Variants in IL13 observed in about 807,000 individuals in gnomAD.
The protein encoded by IL13 is interleukin 13, also known as interleukin-13.
A neutral mutation model predicts 11.1 loss-of-function variants in IL13; 9 were observed. The observed-to-expected ratio is 0.81, with a 90% confidence interval of 0.49 to 1.42. The LOEUF (loss-of-function observed/expected upper bound fraction) is 1.42. IL13 is among the 40% of genes most tolerant of loss of function. IL13 has a pLI of 0.00. For missense variants in IL13, 181 were observed against 182.5 expected (o/e 0.99, Z 0.05); for synonymous variants, 75 against 76.9 (o/e 0.97, Z 0.13).
In IL13 at chr5:132,660,281, G is replaced by C; in HGVS notation, c.440G>C (p.Ter147SerextTer13). 6.2e-7 allele frequency: 1 copy of C among 1,613,612 alleles called. No homozygotes were observed. The highest frequency in any genetic ancestry group is 8.5e-7 in the Non-Finnish European group (1 of 1,179,926). ...KKLFREGQFN* is the reference protein window; with the variant it reads ...KKLFREGQFNS ...CTTTTTCGCGAGGGACAGTTCAACTGAAACTTCGAAAGCATCATTATTTGC... is the reference window on the plus strand; with the variant it reads ...CTTTTTCGCGAGGGACAGTTCAACTCAAACTTCGAAAGCATCATTATTTGC... Residue 147 changes from the stop codon to serine (S), a stop_lost, in exon 4 of 4, where the codon TGA (stop) becomes TCA (serine). Transcript: ENST00000304506.
rs1276666401 is a variant in IL13, at chr5:132,659,317, G to A, written c.175-101G>A. 2.5e-6 allele frequency: 2 copies of A among 812,788 alleles called. No individual in the cohort carries two copies. Among genetic ancestry groups the A allele is most frequent in the Non-Finnish European group, 4.2e-6 (2 of 474,228 alleles). 50.3% of individuals were successfully genotyped at this position (812,788 alleles called of 1,614,324 possible). On this transcript the variant is annotated intron_variant, in intron 1 of 3. Coordinates refer to ENST00000304506, the MANE Select transcript of IL13 (RefSeq NM_002188.3). The surrounding 1 kb of genome is among the most constrained non-coding windows in gnomAD (Gnocchi z 4.1). ...AGGCCTGCCTCTGTGCCACACCAGGGATGCTTGTGGGGCCTGTGCTGGGGC... is the reference window on the plus strand; with the variant it reads ...AGGCCTGCCTCTGTGCCACACCAGGAATGCTTGTGGGGCCTGTGCTGGGGC...
In IL13 at chr5:132,659,466, G is replaced by A. The variant is rs751745832; in HGVS notation, c.223G>A (p.Gly75Ser). Residue 75 changes from glycine (G) to serine (S), a missense_variant, in exon 2 of 4, where the codon GGC (glycine) becomes AGC (serine). Gly to Ser is a moderately conservative substitution (Grantham distance 56, BLOSUM62 0). Transcript: ENST00000304506. The surrounding 1 kb of genome is among the most constrained non-coding windows in gnomAD (Gnocchi z 4.1). ...GGTATGGAGCATCAACCTGACAGCTGGCATGGTAAGGACCTTTGGGTGCAG... is the reference window on the plus strand; with the variant it reads ...GGTATGGAGCATCAACCTGACAGCTAGCATGGTAAGGACCTTTGGGTGCAG... ...SMVWSINLTAGMYCAALESLI... is the reference protein window; with the variant it reads ...SMVWSINLTASMYCAALESLI... The A allele has an allele frequency of 6.2e-7, 1 of 1,611,354 alleles. No individual in the cohort carries two copies. Among genetic ancestry groups the A allele is most frequent in the Non-Finnish European group, 8.5e-7 (1 of 1,178,262 alleles).
At position 132,659,101 on chromosome 5, in the gene IL13, G is replaced by A. The variant is rs796813141; in HGVS notation, c.175-317G>A. ...GGCCCAGGCCACTCCTACTTCACTC[G>A]TCCCCACCCTGGCCCTTCCCGCAGG... On this transcript the variant is annotated intron_variant, in intron 1 of 3. Transcript: ENST00000304506. The surrounding 1 kb of genome is among the most constrained non-coding windows in gnomAD (Gnocchi z 4.1). 2.9e-4 allele frequency: 104 copies of A among 360,402 alleles called. 5 individuals carry two copies. Among genetic ancestry groups the A allele is most frequent in the Non-Finnish European group, 8.5e-5 (16 of 187,804 alleles). 22.3% of individuals were successfully genotyped at this position (360,402 alleles called of 1,614,324 possible). A position where few individuals can be genotyped will look rare whatever the true frequency, so the allele number is the denominator to read the frequency against.
At chr5:132,658,615 C>T in intron 1 of IL13, 2 of 420,654 alleles carry the variant, frequency 4.8e-6, no homozygotes, top group Non-Finnish European at 4.2e-6. Context: ...TTGTCTGCCA[C>T]TGCCAGCTCC....
intron 1 of IL13, chr5:132,658,603 C>G (rs935066876): frequency 1.6e-5 from 7 of 432,352 alleles, no homozygotes; most frequent in Non-Finnish European, 2.9e-5. Flanking sequence ...CCTGGCCTGG[C>G]CTTGTCTGCC....
upstream of IL13, among the ~76,000 whole-genome samples, chr5:132,657,969 G>C (rs886328750): frequency 6.6e-6 from 1 of 152,206 alleles, no homozygotes; most frequent in Non-Finnish European, 1.5e-5. Context: ...AACCCACCCA[G>C]ATCTTGGAAA....
At chr5:132,658,702 G>T in intron 1 of IL13, 1 of 252,018 alleles carries the variant, frequency 4.0e-6, no homozygotes, top group Non-Finnish European at 7.6e-6. Context: ...TTGCCAACTG[G>T]ATTTTGACCA....
At chr5:132,657,131 G>C (rs2149873396), upstream of IL13, 1 of 156,080 alleles carries the variant, frequency 6.4e-6, no homozygotes, top group South Asian at 2.1e-4. Context: ...GGAAGAGCAG[G>C]AAAAGGCGAC....
rs2149875413 is a variant in IL13 at position 132,661,045 on chromosome 5, G to A, written c.*763G>A. The A allele has an allele frequency of 1.3e-5, 2 of 152,542 alleles. No individual in the cohort carries two copies. Among genetic ancestry groups the A allele is most frequent in the East Asian group, 1.9e-4 (1 of 5,324 alleles). 9.4% of individuals were successfully genotyped at this position (152,542 alleles called of 1,614,324 possible). Reference sequence around the variant, plus strand: ...AAGGGTACCTTGAACACTGGGGGAGGGGACATTGAACAAGTTGTTTCATTG... The same window carrying A: ...AAGGGTACCTTGAACACTGGGGGAGAGGACATTGAACAAGTTGTTTCATTG... On this transcript the variant is annotated 3_prime_UTR_variant, in exon 4 of 4. Transcript: ENST00000304506.
In IL13 at chr5:132,660,769, G is replaced by C. The variant is rs199903635; in HGVS notation, c.*487G>C. On this transcript the variant is annotated 3_prime_UTR_variant, in exon 4 of 4. Transcript: ENST00000304506. ...GTGGCTGCTAGCACTTGGAGCCAAG[G>C]GTTCAGAGACTCAGGGCCCCAGCAC... 6.0e-6 allele frequency: 1 copy of C among 166,806 alleles called. No individual in the cohort carries two copies. The highest frequency in any genetic ancestry group is 2.4e-5 in the African/African-American group (1 of 41,658). The allele number at this position is 166,806 out of a possible 1,614,324, so 10.3% of individuals were successfully genotyped here.
Position 132,660,438 on chromosome 5 carries a change from T to A in IL13, c.*156T>A. The A allele has an allele frequency of 7.7e-7, 1 of 1,291,120 alleles. No individual in the cohort carries two copies. Among genetic ancestry groups the A allele is most frequent in the Non-Finnish European group, 1.0e-6 (1 of 972,368 alleles). The allele number at this position is 1,291,120 out of a possible 1,614,324, so 80.0% of individuals were successfully genotyped here. On this transcript the variant is annotated 3_prime_UTR_variant, in exon 4 of 4. Coordinates refer to ENST00000304506, the MANE Select transcript of IL13 (RefSeq NM_002188.3). Reference sequence around the variant, plus strand: ...CTTAGACCTCAGCCTGTGCTGCCCGTCTTCAGCCTAGCCGACCTCAGCCTT... The same window carrying A: ...CTTAGACCTCAGCCTGTGCTGCCCGACTTCAGCCTAGCCGACCTCAGCCTT...
At chr5:132,658,131 C>T, upstream of IL13, 1 of 994,056 alleles carries the variant, frequency 1.0e-6, no homozygotes, top group Non-Finnish European at 1.5e-6. Context: ...TCAGGCGTCA[C>T]CACTTGGGCC....
Position 132,659,840 on chromosome 5 carries a change from C to T in IL13, c.333+12C>T, listed in dbSNP as rs1169666530. The T allele has an allele frequency of 6.2e-7, 1 of 1,612,828 alleles. No homozygotes were observed. The highest frequency in any genetic ancestry group is 8.5e-7 in the Non-Finnish European group (1 of 1,179,846). ...AGGTCTCAGCTGGGGTAAGGCATCC[C>T]CCACCCTCTCACACCCACCCTGCAC... On this transcript the variant is annotated intron_variant, in intron 3 of 3. Transcript: ENST00000304506. This position sits in a 1 kb window ranked among gnomAD's most constrained non-coding sequence, Gnocchi z 4.1.
Position 132,660,551 on chromosome 5 carries a change from T to G in IL13, c.*269T>G. 2.4e-6 allele frequency: 1 copy of G among 415,520 alleles called. No homozygotes were observed. Among genetic ancestry groups the G allele is most frequent in the South Asian group, 2.5e-5 (1 of 39,980 alleles). 25.7% of individuals were successfully genotyped at this position (415,520 alleles called of 1,614,324 possible). ...CAGGGATGACATGTCCCTACACCCCTCCCCTGCCCTAGAGCACACTGTAGC... is the reference window on the plus strand; with the variant it reads ...CAGGGATGACATGTCCCTACACCCCGCCCCTGCCCTAGAGCACACTGTAGC... On this transcript the variant is annotated 3_prime_UTR_variant, in exon 4 of 4. Transcript: ENST00000304506.
rs529456706 is a variant in IL13 at position 132,658,224 on chromosome 5, G to A, written c.38G>A (p.Gly13Asp). ...CTCAATCCTCTCCTGTTGGCACTGG[G>A]CCTCATGGCGCTTTTGTTGACCACG... Reference protein sequence around the residue: ...PLLNPLLLALGLMALLLTTVI... With the variant: ...PLLNPLLLALDLMALLLTTVI... The change falls in exon 1 of 4, where the codon GGC becomes GAC. Residue 13 changes from glycine (G) to aspartate (D), a missense_variant. Transcript: ENST00000304506. 2 of 1,612,676 alleles carry A rather than the reference G, an allele frequency of 1.2e-6. No individual in the cohort carries two copies. The highest frequency in any genetic ancestry group is 2.2e-5 in the East Asian group (1 of 44,874).
chr5:132,659,476 G>A lies in IL13; in HGVS notation c.228+5G>A. 1.2e-6 allele frequency: 2 copies of A among 1,609,958 alleles called. No individual in the cohort carries two copies. The highest frequency in any genetic ancestry group is 1.7e-6 in the Non-Finnish European group (2 of 1,177,006). On this transcript the variant is annotated splice_donor_5th_base_variant and intron_variant, in intron 2 of 3. Transcript: ENST00000304506. This position sits in a 1 kb window ranked among gnomAD's most constrained non-coding sequence, Gnocchi z 4.1. Reference sequence around the variant, plus strand: ...ATCAACCTGACAGCTGGCATGGTAAGGACCTTTGGGTGCAGGGAGGATGGG... The same window carrying A: ...ATCAACCTGACAGCTGGCATGGTAAAGACCTTTGGGTGCAGGGAGGATGGG...
chr5:132,660,341 A>G lies in IL13; in HGVS notation c.*59A>G, dbSNP rs1490668087. On this transcript the variant is annotated 3_prime_UTR_variant, in exon 4 of 4. Transcript: ENST00000304506. ...ACCTGACTATTGAAGTTGCAGATTC[A>G]TTTTTCTTTCTGATGTCAAAAATGT... The G allele has an allele frequency of 6.3e-7, 1 of 1,585,224 alleles. No individual in the cohort carries two copies. Among genetic ancestry groups the G allele is most frequent in the Non-Finnish European group, 8.6e-7 (1 of 1,167,624 alleles).
At chr5:132,658,088 T>C (rs1042309114), upstream of IL13, 2 of 653,310 alleles carry the variant, frequency 3.1e-6, no homozygotes, top group African/African-American at 3.6e-5. Flanking sequence ...ATGTGGTTTC[T>C]AGATAGTGCC....
rs192565440 is a variant in IL13 at position 132,659,121 on chromosome 5, C to T, written c.175-297C>T. The T allele has an allele frequency of 2.5e-5, 10 of 401,760 alleles. No homozygotes were observed. Among genetic ancestry groups the T allele is most frequent in the Admixed American group, 1.1e-4 (3 of 28,320 alleles). 24.9% of individuals were successfully genotyped at this position (401,760 alleles called of 1,614,324 possible). On this transcript the variant is annotated intron_variant, in intron 1 of 3. Transcript: ENST00000304506. The surrounding 1 kb of genome is among the most constrained non-coding windows in gnomAD (Gnocchi z 4.1). The stretch of plus-strand genomic sequence containing the variant: ...CACTCGTCCCCACCCTGGCCCTTCC[C>T]GCAGGCCCCTGTCCTCCTGCCCTGA...
Sources: allele counts gnomAD v4.1 joint callset (sites outside exome capture counted in the v4.1 genomes callset), GRCh38; gene constraint gnomAD v4.1.1; non-coding constraint Gnocchi (gnomAD v3.1); transcripts MANE v1.5; gene names NCBI Gene and HGNC (gene_info 2026-07-23, HGNC 2026-07-21).